Variants in MFSD6 observed in about 807,000 individuals in gnomAD.
MFSD6 encodes the protein major facilitator superfamily domain containing 6.
MFSD6 carries 26 observed loss-of-function variants against 56.3 expected under a neutral mutation model. The ratio of observed to expected loss-of-function variants is 0.46; its 90% CI spans 0.34 to 0.64. The LOEUF is 0.64. Among genes scored for constraint, MFSD6 ranks in the 30% least tolerant of loss-of-function variants. MFSD6 has a pLI of 0.01. For missense variants in MFSD6, 750 were observed against 986.2 expected (o/e 0.76, Z 3.21); for synonymous variants, 331 against 366.9 (o/e 0.90, Z 1.12).
Position 190,495,941 on chromosome 2 carries a change from C to T in MFSD6, c.1892-1498C>T, listed in dbSNP as rs911898925. The stretch of plus-strand genomic sequence containing the variant: ...TAGACATTGGCTTAGGCAGAGATTT[C>T]GTGACCAAGAACCCAAAAGCAAATG... On this transcript the variant is annotated intron_variant, in intron 6 of 7. Transcript: ENST00000392328. The surrounding 1 kb of genome is among the most constrained non-coding windows in gnomAD (Gnocchi z 4.7). Among the ~76,000 whole-genome samples the T allele has an allele frequency of 2.0e-5, 3 of 152,078 alleles. No homozygotes were observed. Among genetic ancestry groups the T allele is most frequent in the Non-Finnish European group, 2.9e-5 (2 of 68,010 alleles).
In MFSD6 at chr2:190,443,290, G is replaced by A. The variant is rs1335595053; in HGVS notation, c.1532+5729G>A. Among the ~76,000 whole-genome samples the A allele has an allele frequency of 1.3e-5, 2 of 152,232 alleles. No individual in the cohort carries two copies. The highest frequency in any genetic ancestry group is 6.5e-5 in the Admixed American group (1 of 15,294). ...CTGCAACTTGGAACTATATGGCCTT[G>A]GACAAGTTACAGAACTTTTTGCATC... On this transcript the variant is annotated intron_variant, in intron 3 of 7. Transcript: ENST00000392328. The surrounding 1 kb of genome is among the most constrained non-coding windows in gnomAD (Gnocchi z 4.2).
Position 190,436,862 on chromosome 2 carries a change from T to C in MFSD6, c.833T>C (p.Val278Ala), listed in dbSNP as rs1686194407. 6 of 1,614,226 alleles carry C rather than the reference T, an allele frequency of 3.7e-6. No individual in the cohort carries two copies. The highest frequency in any genetic ancestry group is 4.2e-6 in the Non-Finnish European group (5 of 1,180,026). Reference sequence around the variant, plus strand: ...TTACCTTCTGACCAAGTCATGCTTGTTTATGATCAACAAGAAGTTGAAGCT... The same window carrying C: ...TTACCTTCTGACCAAGTCATGCTTGCTTATGATCAACAAGAAGTTGAAGCT... The part of the protein sequence containing the change: ...KSLPSDQVML[V>A]YDQQEVEAIF... The change falls in exon 3 of 8, where the codon GTT (valine) becomes GCT (alanine). Residue 278 changes from valine (V) to alanine (A), a missense_variant. Val to Ala is a moderately conservative substitution (Grantham distance 64). Coordinates refer to ENST00000392328, the MANE Select transcript of MFSD6 (RefSeq NM_017694.4). This position sits in a 1 kb window ranked among gnomAD's most constrained non-coding sequence, Gnocchi z 5.3.
rs1254816698 is a variant in MFSD6, at chr2:190,500,419, T to A, written c.*201T>A. ...CAGGAAAAGGTAAACTTTCGTAATC[T>A]CATTGGAATTACAACAGGGAAATGG... On this transcript the variant is annotated 3_prime_UTR_variant, in exon 8 of 8. Transcript: ENST00000392328. This position sits in a 1 kb window ranked among gnomAD's most constrained non-coding sequence, Gnocchi z 5.3. 3.3e-6 allele frequency: 2 copies of A among 602,910 alleles called. No homozygotes were observed. Among genetic ancestry groups the A allele is most frequent in the African/African-American group, 1.9e-5 (1 of 53,980 alleles). 37.3% of individuals were successfully genotyped at this position (602,910 alleles called of 1,614,324 possible).
At chr2:190,446,832 C>T (rs1686602182) in intron 3 of MFSD6, among the ~76,000 whole-genome samples, 1 of 152,192 alleles carries the variant, frequency 6.6e-6, no homozygotes, top group Admixed American at 6.5e-5. Flanking sequence ...GCTTAAATGT[C>T]AACCTCCTTC....
Position 190,489,780 on chromosome 2 carries a change from C to A in MFSD6, c.1805C>A (p.Thr602Asn), listed in dbSNP as rs1689226814. Residue 602 changes from threonine to asparagine, a missense_variant, in exon 6 of 8, where the codon ACC becomes AAC. Thr to Asn is a moderately conservative substitution (Grantham distance 65). Coordinates refer to ENST00000392328, the MANE Select transcript of MFSD6 (RefSeq NM_017694.4). The surrounding 1 kb of genome is among the most constrained non-coding windows in gnomAD (Gnocchi z 6.6). ...VLVNYFGAAA[T>N]FRGIGMACLV... ...TTTGTTTTTATAGGGGCTGCTGCAA[C>A]CTTCCGAGGAATTGGCATGGCCTGC... The A allele has an allele frequency of 6.2e-7, 1 of 1,614,032 alleles. No individual in the cohort carries two copies. Among genetic ancestry groups the A allele is most frequent in the Non-Finnish European group, 8.5e-7 (1 of 1,179,952 alleles).
chr2:190,423,941 C>G lies in MFSD6; in HGVS notation c.-54+8528C>G, dbSNP rs969584641. Among the ~76,000 whole-genome samples the G allele has an allele frequency of 1.3e-5, 2 of 152,128 alleles. No homozygotes were observed. Among genetic ancestry groups the G allele is most frequent in the Admixed American group, 1.3e-4 (2 of 15,284 alleles). On this transcript the variant is annotated intron_variant, in intron 2 of 7. Transcript: ENST00000392328. The surrounding 1 kb of genome is among the most constrained non-coding windows in gnomAD (Gnocchi z 4.3). ...CTATGCATTTATATATCCTGTCTATCCTCTTCAGTGAAATGTCCCTTCACG... is the reference window on the plus strand; with the variant it reads ...CTATGCATTTATATATCCTGTCTATGCTCTTCAGTGAAATGTCCCTTCACG...
chr2:190,417,840 T>C lies in MFSD6; in HGVS notation c.-54+2427T>C, dbSNP rs1315016403. Among the ~76,000 whole-genome samples the C allele has an allele frequency of 6.6e-6, 1 of 152,182 alleles. No individual in the cohort carries two copies. The highest frequency in any genetic ancestry group is 1.5e-5 in the Non-Finnish European group (1 of 68,018). On this transcript the variant is annotated intron_variant, in intron 2 of 7. Transcript: ENST00000392328. This position sits in a 1 kb window ranked among gnomAD's most constrained non-coding sequence, Gnocchi z 5.7. ...TTCTTGACAACCCCTGTCTGAAGTA[T>C]GGACACCCTACTTGGAACTCCAGAA...
chr2:190,437,637 C>A lies in MFSD6; in HGVS notation c.1532+76C>A. Reference sequence around the variant, plus strand: ...TTATGGTTTATAGCTCCTTCTACTACAATTTTAAGGTATTATAATTTGTGT... The same window carrying A: ...TTATGGTTTATAGCTCCTTCTACTAAAATTTTAAGGTATTATAATTTGTGT... On this transcript the variant is annotated intron_variant, in intron 3 of 7. Transcript: ENST00000392328. This position sits in a 1 kb window ranked among gnomAD's most constrained non-coding sequence, Gnocchi z 5.9. 1 of 1,477,430 alleles carries A rather than the reference C, an allele frequency of 6.8e-7. No individual in the cohort carries two copies. Among genetic ancestry groups the A allele is most frequent in the Non-Finnish European group, 9.1e-7 (1 of 1,094,966 alleles). 91.5% of individuals were successfully genotyped at this position (1,477,430 alleles called of 1,614,324 possible). A position where few individuals can be genotyped will look rare whatever the true frequency, so the allele number is the denominator to read the frequency against.
Position 190,497,611 on chromosome 2 carries a change from G to T in MFSD6, c.2064G>T (p.Trp688Cys). Residue 688 changes from tryptophan (W) to cysteine (C), a missense_variant, in exon 7 of 8, where the codon TGG becomes TGT. Physicochemically the swap from Trp to Cys is radical, Grantham distance 215. Coordinates refer to ENST00000392328, the MANE Select transcript of MFSD6 (RefSeq NM_017694.4). The surrounding 1 kb of genome is among the most constrained non-coding windows in gnomAD (Gnocchi z 5.2). ...AGGAAGATGTGAACAAACCAGCCTG[G>T]GGAGTCAGCTCTTCTCCCTGGGTGA... Reference protein sequence around the residue: ...EEQEDVNKPAWGVSSSPWVTF... With the variant: ...EEQEDVNKPACGVSSSPWVTF... The T allele has an allele frequency of 6.2e-7, 1 of 1,614,116 alleles. No individual in the cohort carries two copies. The highest frequency in any genetic ancestry group is 8.5e-7 in the Non-Finnish European group (1 of 1,180,008).
intron 2 of MFSD6, among the ~76,000 whole-genome samples, chr2:190,429,471 A>G (rs1685893432): frequency 1.3e-5 from 2 of 151,746 alleles, no homozygotes; most frequent in Non-Finnish European, 2.9e-5. Flanking sequence ...GATTACAGGC[A>G]CCCACCACCA....
In MFSD6 at chr2:190,497,954, T is replaced by C. The variant is rs1689800173; in HGVS notation, c.2172+235T>C. ...TTCAGGAAAACTTCAGAGGTTATGA[T>C]TCTTTCACTTCTTGAAAGAAATAAA... On this transcript the variant is annotated intron_variant, in intron 7 of 7. Transcript: ENST00000392328. The surrounding 1 kb of genome is among the most constrained non-coding windows in gnomAD (Gnocchi z 5.2). The C allele has an allele frequency of 2.6e-6, 1 of 378,690 alleles. No individual in the cohort carries two copies. Among genetic ancestry groups the C allele is most frequent in the African/African-American group, 2.0e-5 (1 of 49,116 alleles). The allele number at this position is 378,690 out of a possible 1,614,324, so 23.5% of individuals were successfully genotyped here.
intron 4 of MFSD6, among the ~76,000 whole-genome samples, chr2:190,474,473 G>A (rs1393355925): frequency 6.6e-6 from 1 of 152,146 alleles, no homozygotes; most frequent in African/African-American, 2.4e-5. Context: ...TAGAAGAAAT[G>A]GATAAATTCC....
In MFSD6 at chr2:190,456,499, T is replaced by TA. The variant is rs200674780; in HGVS notation, c.1533-13258dup. Among the ~76,000 whole-genome samples, 1,903 of 152,272 alleles carry TA rather than the reference T, an allele frequency of 0.012. 38 individuals carry two copies. Among genetic ancestry groups the TA allele is most frequent in the African/African-American group, 0.043 (1,787 of 41,546 alleles). On this transcript the variant is annotated intron_variant, in intron 3 of 7. Coordinates refer to ENST00000392328, the MANE Select transcript of MFSD6 (RefSeq NM_017694.4). The surrounding 1 kb of genome is among the most constrained non-coding windows in gnomAD (Gnocchi z 5.4). ...GGGGCTCCTTTCAACCCGCTGGTGA[T>TA]ATGAGCCCCACTCCGGGAACTCCCT...
intron 4 of MFSD6, among the ~76,000 whole-genome samples, chr2:190,474,594 A>C (rs1004733899): frequency 5.3e-5 from 8 of 152,226 alleles, no homozygotes; most frequent in African/African-American, 1.7e-4. Context: ...AACCAAAAAA[A>C]GTCCAGGACC....
chr2:190,409,619 G>A (rs1690472220), intron 1 of MFSD6, among the ~76,000 whole-genome samples: 1 of 152,170 alleles, frequency 6.6e-6, no homozygotes, highest in South Asian at 2.1e-4. Context: ...AACCTCTTAA[G>A]TATAGATGAA....
At position 190,424,461 on chromosome 2, in the gene MFSD6, G is replaced by A. The variant is rs759896299; in HGVS notation, c.-54+9048G>A. The stretch of plus-strand genomic sequence containing the variant: ...AGTGATTCTCCTGCCTCAGCCTCCC[G>A]AGTAGCTGGGATTACAGGCACATGA... On this transcript the variant is annotated intron_variant, in intron 2 of 7. Coordinates refer to ENST00000392328, the MANE Select transcript of MFSD6 (RefSeq NM_017694.4). The surrounding 1 kb of genome is among the most constrained non-coding windows in gnomAD (Gnocchi z 5.9). Among the ~76,000 whole-genome samples the A allele has an allele frequency of 1.8e-4, 27 of 151,684 alleles. No individual in the cohort carries two copies. The highest frequency in any genetic ancestry group is 3.5e-4 in the Non-Finnish European group (24 of 67,934).
At position 190,434,272 on chromosome 2, in the gene MFSD6, T is replaced by C. The variant is rs1245379543; in HGVS notation, c.-53-1705T>C. Among the ~76,000 whole-genome samples the C allele has an allele frequency of 6.6e-6, 1 of 152,114 alleles. No individual in the cohort carries two copies. The highest frequency in any genetic ancestry group is 2.4e-5 in the African/African-American group (1 of 41,432). ...CTTCCTACCATCAGAATCTGTTCAT[T>C]GGAACAACATAATTCTTGATGCACA... On this transcript the variant is annotated intron_variant, in intron 2 of 7. Transcript: ENST00000392328. The surrounding 1 kb of genome is among the most constrained non-coding windows in gnomAD (Gnocchi z 4.3).
chr2:190,474,328 TAAA>T (rs961974374), intron 4 of MFSD6, among the ~76,000 whole-genome samples: 4 of 151,630 alleles, frequency 2.6e-5, no homozygotes, highest in African/African-American at 9.7e-5. Flanking sequence ...GCAAGACTAA[TAAA>T]GAAGAAAAGA....
chr2:190,498,634 A>T lies in MFSD6; in HGVS notation c.2172+915A>T, dbSNP rs993386657. Among the ~76,000 whole-genome samples the T allele has an allele frequency of 2.0e-5, 3 of 152,190 alleles. No individual in the cohort carries two copies. The highest frequency in any genetic ancestry group is 2.0e-4 in the Admixed American group (3 of 15,274). ...TAATTTATCAAGATAATAAACTCACATCATTACTCTGCTCAGTCAAGAACC... is the reference window on the plus strand; with the variant it reads ...TAATTTATCAAGATAATAAACTCACTTCATTACTCTGCTCAGTCAAGAACC... On this transcript the variant is annotated intron_variant, in intron 7 of 7. Coordinates refer to ENST00000392328, the MANE Select transcript of MFSD6 (RefSeq NM_017694.4). The surrounding 1 kb of genome is among the most constrained non-coding windows in gnomAD (Gnocchi z 5.9).
Sources: allele counts gnomAD v4.1 joint callset (sites outside exome capture counted in the v4.1 genomes callset), GRCh38; gene constraint gnomAD v4.1.1; non-coding constraint Gnocchi (gnomAD v3.1); transcripts MANE v1.5; gene names NCBI Gene and HGNC (gene_info 2026-07-23, HGNC 2026-07-21).